The following ERC2 variants were observed in gnomAD, a reference collection of about 807,000 sequenced individuals.
ERC2 encodes ERC protein 2.
Under a neutral mutation model 114.8 loss-of-function variants are expected in ERC2, and 42 were observed. The ratio of observed to expected loss-of-function variants is 0.37; its 90% CI spans 0.29 to 0.47. The LOEUF (loss-of-function observed/expected upper bound fraction) is 0.47. Among genes scored for constraint, ERC2 ranks in the 20% least tolerant of loss-of-function variants. The probability of loss-of-function intolerance (pLI) is 0.99; values close to 1 mark genes in which losing one functional copy is unlikely to be tolerated. For missense variants in ERC2, 939 were observed against 1,150.7 expected (o/e 0.82, Z 2.66); for synonymous variants, 454 against 425.5 (o/e 1.07, Z -0.82).
chr3:55,593,967 A>T (rs1309162649), intron 17 of ERC2, among the ~76,000 whole-genome samples: 2 of 152,144 alleles, frequency 1.3e-5, no homozygotes, highest in East Asian at 3.9e-4. Flanking sequence ...TTGACCCTTC[A>T]GTGCCAGAAG....
chr3:55,523,248 C>G lies in ERC2; in HGVS notation c.*40-11972G>C, dbSNP rs1372542916. Among the ~76,000 whole-genome samples, 4 of 152,360 alleles carry G rather than the reference C, an allele frequency of 2.6e-5. No individual in the cohort carries two copies. In the East Asian group the frequency reaches 7.7e-4, roughly 29 times the overall value. ...CCCATGGATATACCAGTGGCCTCAG[C>G]TTTGCTACGGAGAACTTGCTTGGGA... On this transcript the variant is annotated intron_variant, in intron 17 of 17. Transcript: ENST00000288221.
At chr3:55,958,142 G>A (rs938916175) in intron 12 of ERC2, among the ~76,000 whole-genome samples, 2 of 152,186 alleles carry the variant, frequency 1.3e-5, no homozygotes, top group African/African-American at 4.8e-5. Flanking sequence ...ACCCGAAATG[G>A]GTAGCTCTTT....
intron 8 of ERC2, among the ~76,000 whole-genome samples, chr3:56,014,843 G>A (rs2073196093): frequency 6.6e-6 from 1 of 152,136 alleles, no homozygotes; most frequent in Admixed American, 6.6e-5. Context: ...AGCAGTAATA[G>A]TTTTTGAACA....
chr3:55,992,203 G>C lies in ERC2; in HGVS notation c.2109C>G (p.Asp703Glu). Residue 703 changes from aspartate to glutamate, a missense_variant, in exon 11 of 18, where the codon GAC (aspartate) becomes GAG (glutamate). Around this residue, in one of 5 missense-constraint regions of ERC2, gnomAD observed 328 missense variants for 353.9 expected, o/e 0.93. Coordinates refer to ENST00000288221, the MANE Select transcript of ERC2 (RefSeq NM_015576.3). Reference sequence around the variant, plus strand: ...CCTCTTTATCGAGCTGTTTTATTTGGTCTGCAAACTCAGGGTTCATCCTGG... The same window carrying C: ...CCTCTTTATCGAGCTGTTTTATTTGCTCTGCAAACTCAGGGTTCATCCTGG... ...DDSRMNPEFA[D>E]QIKQLDKEAS... 6.2e-7 allele frequency: 1 copy of C among 1,613,762 alleles called. No individual in the cohort carries two copies. The highest frequency in any genetic ancestry group is 8.5e-7 in the Non-Finnish European group (1 of 1,179,772).
chr3:56,457,100 T>C (rs2063099646), intron 1 of ERC2, among the ~76,000 whole-genome samples: 1 of 152,240 alleles, frequency 6.6e-6, no homozygotes, highest in South Asian at 2.1e-4. Flanking sequence ...CTGTACACTA[T>C]GAATTACTTC....
intron 2 of ERC2, among the ~76,000 whole-genome samples, chr3:56,334,944 A>G (rs1438830281): frequency 6.6e-6 from 1 of 152,166 alleles, no homozygotes; most frequent in East Asian, 1.9e-4. Flanking sequence ...AGCTGGGACT[A>G]CAGGCACGTG....
chr3:55,861,062 C>A (rs2062006743), intron 14 of ERC2, among the ~76,000 whole-genome samples: 1 of 152,228 alleles, frequency 6.6e-6, no homozygotes, highest in African/African-American at 2.4e-5. Flanking sequence ...TTCAACTGTG[C>A]TCGTTGACAA....
At chr3:55,539,190 T>A (rs2054199198) in intron 17 of ERC2, among the ~76,000 whole-genome samples, 1 of 152,104 alleles carries the variant, frequency 6.6e-6, no homozygotes, top group East Asian at 1.9e-4. Flanking sequence ...TAGAGTATAT[T>A]AACGAAGGGT....
chr3:55,625,944 G>T (rs145115058), intron 17 of ERC2, among the ~76,000 whole-genome samples: 1 of 152,154 alleles, frequency 6.6e-6, no homozygotes, highest in Admixed American at 6.5e-5. Flanking sequence ...GTTTGTGGTG[G>T]GTTCAGAAAA....
chr3:55,580,003 T>C (rs1342223453), intron 17 of ERC2, among the ~76,000 whole-genome samples: 1 of 152,250 alleles, frequency 6.6e-6, no homozygotes, highest in Non-Finnish European at 1.5e-5. Context: ...GGGTTTCAAA[T>C]AGAGTCCACA....
At chr3:56,079,661 C>G (rs1346865136) in intron 7 of ERC2, among the ~76,000 whole-genome samples, 1 of 152,098 alleles carries the variant, frequency 6.6e-6, no homozygotes, top group Admixed American at 6.6e-5. Context: ...TGGTTTAAGG[C>G]TCTACGGTTA....
At chr3:56,112,098 T>A (rs545401397) in intron 6 of ERC2, among the ~76,000 whole-genome samples, 1 of 152,336 alleles carries the variant, frequency 6.6e-6, no homozygotes, top group South Asian at 2.1e-4. Context: ...GCTTTTTAGA[T>A]GTTTTGCATT....
intron 7 of ERC2, among the ~76,000 whole-genome samples, chr3:56,032,981 A>AAG (rs1475255461): frequency 0.013 from 832 of 62,026 alleles, 24 homozygotes; most frequent in African/African-American, 0.017. Flanking sequence ...AAGAAAGAGA[A>AAG]AGAAAGAAAG....
chr3:55,662,014 T>C (rs1341202950), intron 17 of ERC2, among the ~76,000 whole-genome samples: 1 of 152,198 alleles, frequency 6.6e-6, no homozygotes. Flanking sequence ...GGTTTTTATA[T>C]ATGAAGCTGA....
chr3:55,551,798 A>G (rs1430953291), intron 17 of ERC2, among the ~76,000 whole-genome samples: 2 of 152,224 alleles, frequency 1.3e-5, no homozygotes, highest in African/African-American at 4.8e-5. Context: ...ATATCCTCAC[A>G]GAAACATCCA....
intron 14 of ERC2, among the ~76,000 whole-genome samples, chr3:55,825,434 A>G (rs1308052773): frequency 6.6e-6 from 1 of 152,214 alleles, no homozygotes; most frequent in Non-Finnish European, 1.5e-5. Flanking sequence ...GGTACAACAC[A>G]ATGTCCAAAT....
chr3:55,539,923 G>A (rs983729207), intron 17 of ERC2, among the ~76,000 whole-genome samples: 10 of 117,946 alleles, frequency 8.5e-5, no homozygotes, highest in African/African-American at 2.7e-4. Flanking sequence ...ATATCCTGTG[G>A]GGATTTTTTT....
intron 14 of ERC2, among the ~76,000 whole-genome samples, chr3:55,841,334 G>A (rs2061123479): frequency 1.3e-5 from 2 of 152,018 alleles, no homozygotes; most frequent in African/African-American, 4.8e-5. Context: ...AGTCTCACGA[G>A]ATCTGATGGT....
At chr3:55,904,013 G>A (rs928908247) in intron 13 of ERC2, among the ~76,000 whole-genome samples, 2 of 152,140 alleles carry the variant, frequency 1.3e-5, no homozygotes, top group African/African-American at 4.8e-5. Flanking sequence ...TAGCCCTCGG[G>A]GACTTTCTTG....
Sources: allele counts gnomAD v4.1 joint callset (sites outside exome capture counted in the v4.1 genomes callset), GRCh38; gene constraint gnomAD v4.1.1; regional missense constraint gnomAD v4.1.1; transcripts MANE v1.5; gene names NCBI Gene and HGNC (gene_info 2026-07-23, HGNC 2026-07-21).